Variants in ADGRL2 observed in about 807,000 individuals in gnomAD.
ADGRL2 encodes calcium-independent alpha-latrotoxin receptor 2.
In ADGRL2, 44 loss-of-function variants were observed where a neutral mutation model predicts 157.4. That is an observed-to-expected ratio of 0.28 (90% CI 0.22 to 0.36). The LOEUF (loss-of-function observed/expected upper bound fraction) is 0.36, where lower values mean the gene tolerates loss of function less well. Among genes scored for constraint, ADGRL2 ranks in the 10% least tolerant of loss-of-function variants. The probability of loss-of-function intolerance (pLI) is 1.00; values close to 1 mark genes in which losing one functional copy is unlikely to be tolerated. For synonymous variants in ADGRL2, 585 were observed against 624.7 expected (o/e 0.94, Z 0.95); for missense variants, 1,510 against 1,768.9 (o/e 0.85, Z 2.63).
At chr1:81,348,492 G>A (rs1441259559) in intron 1 of ADGRL2, among the ~76,000 whole-genome samples, 3 of 152,140 alleles carry the variant, frequency 2.0e-5, no homozygotes, top group African/African-American at 7.2e-5. Flanking sequence ...GGAGGGGGTT[G>A]TTGAAAACAA....
At position 81,907,037 on chromosome 1, in the gene ADGRL2, C is replaced by G. The variant is rs2094597982; in HGVS notation, c.94C>G (p.Pro32Ala). Reference sequence around the variant, plus strand: ...TTAAGGTTTCAGCAGAGCAGCTTTACCATTTGGGCTGGTGAGGCGAGAATT... The same window carrying G: ...TTAAGGTTTCAGCAGAGCAGCTTTAGCATTTGGGCTGGTGAGGCGAGAATT... ...NTEGFSRAAL[P>A]FGLVRRELSC... Residue 32 changes from proline to alanine, a missense_variant, in exon 3 of 24, where the codon CCA (proline) becomes GCA (alanine). By Grantham distance (27) the Pro-to-Ala change is conservative. This residue lies in a region of ADGRL2 where 361 missense variants were observed against 498.4 expected (regional missense o/e 0.72). Coordinates refer to ENST00000686636, the MANE Select transcript of ADGRL2 (RefSeq NM_001366006.2). The G allele has an allele frequency of 4.3e-6, 7 of 1,613,576 alleles. No individual in the cohort carries two copies. In the South Asian group the frequency reaches 7.7e-5, roughly 18 times the overall value.
chr1:81,966,678 G>A (rs1657146464), intron 13 of ADGRL2, 69 bp downstream of exon 13: 2 of 1,371,298 alleles, frequency 1.5e-6, no homozygotes, highest in African/African-American at 1.4e-5. Flanking sequence ...GCAAAACTGA[G>A]GTGCTGGGGA....
At chr1:81,521,290 A>G (rs559077704) in intron 2 of ADGRL2, among the ~76,000 whole-genome samples, 1 of 152,296 alleles carries the variant, frequency 6.6e-6, no homozygotes, top group African/African-American at 2.4e-5. Flanking sequence ...ATGTTATATT[A>G]TTTTCCATCC....
At chr1:81,616,646 GTT>G (rs370929751) in intron 3 of ADGRL2, among the ~76,000 whole-genome samples, 1 of 111,162 alleles carries the variant, frequency 9.0e-6, no homozygotes, top group African/African-American at 3.2e-5. Context: ...AGTTTTTTGG[GTT>G]TTTTTTTTTT....
At chr1:81,788,187 G>A (rs2087149245) in intron 2 of ADGRL2, among the ~76,000 whole-genome samples, 1 of 151,038 alleles carries the variant, frequency 6.6e-6, no homozygotes, top group South Asian at 2.1e-4. Flanking sequence ...AAATGACAGA[G>A]AATACAGGGA....
chr1:81,557,501 GAA>G (rs753962043), intron 2 of ADGRL2: 1 of 41,938 alleles, frequency 2.4e-5, no homozygotes, highest in African/African-American at 9.6e-5. Context: ...AAGAAAGAAA[GAA>G]AGAAAGAAAG....
intron 2 of ADGRL2, among the ~76,000 whole-genome samples, chr1:81,577,289 A>C (rs778612640): frequency 6.6e-6 from 1 of 152,082 alleles, no homozygotes; most frequent in Non-Finnish European, 1.5e-5. Flanking sequence ...GGCCACACTC[A>C]CCATTGAGAT....
At chr1:81,488,022 G>A (rs553982716) in intron 2 of ADGRL2, among the ~76,000 whole-genome samples, 26 of 152,226 alleles carry the variant, frequency 1.7e-4, no homozygotes, top group African/African-American at 4.6e-4. Flanking sequence ...AAGTGCAGAC[G>A]AAATGGCTAT....
intron 1 of ADGRL2, among the ~76,000 whole-genome samples, chr1:81,326,651 T>A (rs1194005816): frequency 6.6e-6 from 1 of 152,166 alleles, no homozygotes; most frequent in East Asian, 1.9e-4. Context: ...GACAGAAATA[T>A]ATAAAGCACA....
chr1:81,627,506 T>G (rs1462280836), intron 3 of ADGRL2, among the ~76,000 whole-genome samples: 1 of 152,194 alleles, frequency 6.6e-6, no homozygotes, highest in Non-Finnish European at 1.5e-5. Flanking sequence ...TGCCAAGTAC[T>G]CCATTAAGCC....
chr1:81,922,674 C>T (rs149929419), intron 3 of ADGRL2, among the ~76,000 whole-genome samples: 5 of 152,148 alleles, frequency 3.3e-5, no homozygotes, highest in African/African-American at 1.2e-4. Context: ...TATAACAGCA[C>T]GTAATGTCTT....
chr1:81,803,378 G>T (rs748532861), intron 1 of ADGRL2, among the ~76,000 whole-genome samples: 1 of 152,086 alleles, frequency 6.6e-6, no homozygotes, highest in Non-Finnish European at 1.5e-5. Context: ...GGGGGTGAGG[G>T]GAGAATACTG....
At chr1:81,760,216 G>C (rs1458097330) in intron 1 of ADGRL2, among the ~76,000 whole-genome samples, 1 of 152,048 alleles carries the variant, frequency 6.6e-6, no homozygotes, top group Non-Finnish European at 1.5e-5. Flanking sequence ...ATCAGGACTT[G>C]GTTGTAAATT....
intron 2 of ADGRL2, among the ~76,000 whole-genome samples, chr1:81,564,907 G>A (rs920305403): frequency 1.1e-4 from 16 of 152,280 alleles, no homozygotes; most frequent in African/African-American, 3.9e-4. Flanking sequence ...TTCAGGCAGA[G>A]CCTAACATTA....
At chr1:81,837,542 A>G (rs1014030288) in intron 2 of ADGRL2, among the ~76,000 whole-genome samples, 1 of 151,876 alleles carries the variant, frequency 6.6e-6, no homozygotes, top group Non-Finnish European at 1.5e-5. Context: ...ATGTGTGTGT[A>G]TATGTATATT....
intron 3 of ADGRL2, among the ~76,000 whole-genome samples, chr1:81,660,311 G>T (rs1350074462): frequency 6.6e-6 from 1 of 152,264 alleles, no homozygotes; most frequent in Admixed American, 6.5e-5. Flanking sequence ...TCAGTTGCTT[G>T]TTTTCCAAAC....
At chr1:81,674,528 C>A (rs143993045) in intron 3 of ADGRL2, among the ~76,000 whole-genome samples, 6 of 152,106 alleles carry the variant, frequency 3.9e-5, no homozygotes, top group African/African-American at 1.4e-4. Context: ...TTTATTTGCG[C>A]CCAAGCAAAA....
intron 1 of ADGRL2, among the ~76,000 whole-genome samples, chr1:81,442,765 T>A (rs2077531218): frequency 6.6e-6 from 1 of 152,040 alleles, no homozygotes; most frequent in African/African-American, 2.4e-5. Flanking sequence ...CTCAGGAGAG[T>A]AGCACAGGAA....
chr1:81,383,498 C>T (rs970884572), intron 1 of ADGRL2, among the ~76,000 whole-genome samples: 1 of 151,988 alleles, frequency 6.6e-6, no homozygotes, highest in Non-Finnish European at 1.5e-5. Context: ...AAAAACTTCT[C>T]TAGAAAAGAG....
Sources: gnomAD v4.1 joint callset for allele counts (sites outside exome capture counted in the v4.1 genomes callset) on GRCh38, gnomAD v4.1.1 for gene constraint, gnomAD v4.1.1 regional missense constraint, MANE v1.5 for transcripts, NCBI Gene and HGNC (gene_info 2026-07-23, HGNC 2026-07-21) for gene names.